TRIM7: variants seen among roughly 807,000 people sequenced by gnomAD.
TRIM7 encodes the protein tripartite motif containing 7, also known as E3 ubiquitin-protein ligase TRIM7.
TRIM7 carries 32 observed loss-of-function variants against 37.9 expected under a neutral mutation model. The ratio of observed to expected loss-of-function variants is 0.84; its 90% CI spans 0.64 to 1.13. The LOEUF (loss-of-function observed/expected upper bound fraction) is 1.13. Among genes scored for constraint, TRIM7 ranks in the 50% most tolerant of loss-of-function variants. The pLI is 0.00. For synonymous variants in TRIM7, 351 were observed against 321.3 expected (o/e 1.09, Z -0.99); for missense variants, 732 against 714.0 (o/e 1.03, Z -0.29).
rs780134753 is a variant in TRIM7 at position 181,195,310 on chromosome 5, G to C, written c.1392C>G (p.Ala464=). The change falls in exon 7 of 7, where the codon GCC becomes GCG. Residue 464 remains alanine (A), a synonymous_variant. Transcript: ENST00000274773. ...ACACGGCTCCCACCTCCAGGTCCAG[G>C]GCCACCCGCACGCGCGACAGGTGCC... ...SCGHLSRVRV[A]LDLEVGAVSF... is the part of the protein sequence containing the mutation. 7 of 1,599,574 alleles carry C rather than the reference G, an allele frequency of 4.4e-6. No homozygotes were observed. In the Admixed American group the frequency reaches 6.9e-5, roughly 16 times the overall value.
intron 2 of TRIM7, 183 bp downstream of exon 2, chr5:181,203,362 T>G: frequency 1.4e-6 from 2 of 1,420,234 alleles, no homozygotes; most frequent in Non-Finnish European, 1.8e-6. Context: ...CTTTTCACTT[T>G]AAAAAGCTCT....
chr5:181,199,954 T>C lies in TRIM7; in HGVS notation c.746A>G (p.Gln249Arg). The C allele has an allele frequency of 1.2e-6, 2 of 1,614,260 alleles. No individual in the cohort carries two copies. The highest frequency in any genetic ancestry group is 1.7e-6 in the Non-Finnish European group (2 of 1,180,040). ...EELSREVAQK[Q>R]NENLAQLGVE... ...CCCGAGCTGGGCCAGGTTCTCATTC[T>C]GCTTCTGTGCCACCTCCCGGGACAG... The change falls in exon 3 of 7, where the codon CAG becomes CGG. Residue 249 changes from glutamine to arginine, a missense_variant. By Grantham distance (43) the Gln-to-Arg change is conservative. Coordinates refer to ENST00000274773, the MANE Select transcript of TRIM7 (RefSeq NM_203293.3).
chr5:181,205,004 A>C lies in TRIM7; in HGVS notation c.107T>G (p.Phe36Cys). 6.7e-7 allele frequency: 1 copy of C among 1,487,304 alleles called. No individual in the cohort carries two copies. The highest frequency in any genetic ancestry group is 8.9e-7 in the Non-Finnish European group (1 of 1,127,072). 92.1% of individuals were successfully genotyped at this position (1,487,304 alleles called of 1,614,324 possible). ...EATCSICLEL[F>C]REPVSVECGH... ...GCACTCGACGGACACCGGCTCACGA[A>C]AGAGCTCTAGGCAGATGGAGCACGT... The change falls in exon 1 of 7, where the codon TTT becomes TGT. Residue 36 changes from phenylalanine (F) to cysteine (C), a missense_variant. Coordinates refer to ENST00000274773, the MANE Select transcript of TRIM7 (RefSeq NM_203293.3).
intron 2 of TRIM7, among the ~76,000 whole-genome samples, chr5:181,201,918 G>A (rs148454264): frequency 3.9e-4 from 59 of 152,322 alleles, no homozygotes; most frequent in African/African-American, 1.3e-3. Context: ...TGCATTGGGA[G>A]TCATTTCTCC....
At chr5:181,204,223 C>G (rs1011730631) in intron 1 of TRIM7, 8 of 1,037,868 alleles carry the variant, frequency 7.7e-6, no homozygotes, top group African/African-American at 1.7e-5. Flanking sequence ...GTGGGGGCAG[C>G]GGCTGCGTGG....
chr5:181,194,243 C>CA lies in TRIM7; in HGVS notation c.*922dup, dbSNP rs1189268956. The CA allele has an allele frequency of 1.3e-5, 2 of 152,036 alleles. No homozygotes were observed. The highest frequency in any genetic ancestry group is 4.8e-5 in the African/African-American group (2 of 41,416). The allele number at this position is 152,036 out of a possible 1,614,324, so 9.4% of individuals were successfully genotyped here. A position where few individuals can be genotyped will look rare whatever the true frequency, so the allele number is the denominator to read the frequency against. On this transcript the variant is annotated 3_prime_UTR_variant, in exon 7 of 7. Transcript: ENST00000274773. ...GTTTTGTGTTTCAAAGTTCCAGAAG[C>CA]AAAAACAAAAAAAGTTCGGGTACAG...
At chr5:181,201,789 G>A (rs1757502411) in intron 2 of TRIM7, among the ~76,000 whole-genome samples, 1 of 152,200 alleles carries the variant, frequency 6.6e-6, no homozygotes. Context: ...GATGTTGGGA[G>A]AGGACAGAGG....
rs748717109 is a variant in TRIM7 at position 181,195,193 on chromosome 5, C to T, written c.1509G>A (p.Thr503=). The change falls in exon 7 of 7, where the codon ACG becomes ACA. Residue 503 remains threonine (T), a synonymous_variant. Coordinates refer to ENST00000274773, the MANE Select transcript of TRIM7 (RefSeq NM_203293.3). The part of the protein sequence containing the change: ...RVFPLFSVCS[T]GTYLRIWP The stretch of plus-strand genomic sequence containing the variant: ...AAGGCCAGATTCGCAAGTAGGTGCC[C>T]GTGGAGCAAACAGAGAAAAGCGGGA... The T allele has an allele frequency of 1.9e-6, 3 of 1,608,396 alleles. No individual in the cohort carries two copies. The highest frequency in any genetic ancestry group is 1.3e-5 in the African/African-American group (1 of 74,968).
chr5:181,204,904 G>A lies in TRIM7; in HGVS notation c.207C>T (p.Thr69=). 2 of 1,372,332 alleles carry A rather than the reference G, an allele frequency of 1.5e-6. No homozygotes were observed. The highest frequency in any genetic ancestry group is 1.5e-5 in the African/African-American group (1 of 65,218). The allele number at this position is 1,372,332 out of a possible 1,614,324, so 85.0% of individuals were successfully genotyped here. ...RPGAGSVGAA[T]RAPPFPLPCP... ...AGGGCAGTGGGAAGGGGGGCGCGCG[G>A]GTGGCGGCCCCAACAGACCCCGCGC... The change falls in exon 1 of 7, where the codon ACC becomes ACT. Residue 69 remains threonine (T), a synonymous_variant. Transcript: ENST00000274773.
Position 181,199,106 on chromosome 5 carries a change from G to C in TRIM7, c.861C>G (p.Ser287Arg), listed in dbSNP as rs1223935132. The C allele has an allele frequency of 6.2e-7, 1 of 1,614,238 alleles. No homozygotes were observed. Among genetic ancestry groups the C allele is most frequent in the Non-Finnish European group, 8.5e-7 (1 of 1,180,052 alleles). Reference sequence around the variant, plus strand: ...GTGAGGTCACTCACCTGCTCAGCGTGCTTTTGAATTCCTGGAAGGAAAGAT... The same window carrying C: ...GTGAGGTCACTCACCTGCTCAGCGTCCTTTTGAATTCCTGGAAGGAAAGAT... Reference protein sequence around the residue: ...PDLDFLQEFKSTLSRCSNVPG... With the variant: ...PDLDFLQEFKRTLSRCSNVPG... The change falls in exon 4 of 7, where the codon AGC becomes AGG. Residue 287 changes from serine to arginine, a missense_variant. Ser to Arg is a moderately radical substitution (Grantham distance 110, BLOSUM62 -1). Coordinates refer to ENST00000274773, the MANE Select transcript of TRIM7 (RefSeq NM_203293.3).
In TRIM7 at chr5:181,193,965, C is replaced by T. The variant is rs1178692865; in HGVS notation, c.*1201G>A. On this transcript the variant is annotated 3_prime_UTR_variant, in exon 7 of 7. Coordinates refer to ENST00000274773, the MANE Select transcript of TRIM7 (RefSeq NM_203293.3). Reference sequence around the variant, plus strand: ...AGTTTCATTTTCATCTCCTCACCCCCTTCCCAGGGGAGCGCTGAGCAGGGA... The same window carrying T: ...AGTTTCATTTTCATCTCCTCACCCCTTTCCCAGGGGAGCGCTGAGCAGGGA... 2 of 152,334 alleles carry T rather than the reference C, an allele frequency of 1.3e-5. No individual in the cohort carries two copies. The highest frequency in any genetic ancestry group is 2.4e-5 in the African/African-American group (1 of 41,482). 9.4% of individuals were successfully genotyped at this position (152,334 alleles called of 1,614,324 possible).
intron 2 of TRIM7, chr5:181,200,446 C>CA (rs1236943827): frequency 1.1e-5 from 14 of 1,219,318 alleles, no homozygotes; most frequent in Non-Finnish European, 1.3e-5. Context: ...TAGGATTAAA[C>CA]TGAGATTGCT....
intron 2 of TRIM7, chr5:181,200,795 C>T (rs185433148): frequency 7.1e-6 from 7 of 985,662 alleles, no homozygotes; most frequent in Non-Finnish European, 8.4e-6. Context: ...GTTTGGCACT[C>T]AATATGTCCC....
chr5:181,203,117 AT>A (rs553646659), intron 2 of TRIM7: 9 of 337,718 alleles, frequency 2.7e-5, no homozygotes, highest in South Asian at 1.1e-4. Flanking sequence ...TGAACATGAA[AT>A]TTTTTTCACT....
intron 5 of TRIM7, 174 bp from the exon 6 acceptor site, chr5:181,198,392 C>T: frequency 1.4e-6 from 1 of 706,688 alleles, no homozygotes; most frequent in Non-Finnish European, 2.5e-6. Context: ...GGGGCCCATA[C>T]CCAAGCATTC....
intron 1 of TRIM7, chr5:181,204,313 T>C: frequency 8.6e-7 from 1 of 1,157,738 alleles, no homozygotes; most frequent in Non-Finnish European, 1.1e-6. Flanking sequence ...AGGAAGAACA[T>C]CGCCAAGTCC....
intron 2 of TRIM7, chr5:181,203,173 A>T: frequency 2.8e-6 from 2 of 709,934 alleles, no homozygotes; most frequent in Non-Finnish European, 3.6e-6. Context: ...TTATTGTATT[A>T]ATATTCCCAC....
In TRIM7 at chr5:181,200,008, T is replaced by C; in HGVS notation, c.692A>G (p.Glu231Gly). The C allele has an allele frequency of 6.2e-7, 1 of 1,614,244 alleles. No individual in the cohort carries two copies. Among genetic ancestry groups the C allele is most frequent in the Non-Finnish European group, 8.5e-7 (1 of 1,180,034 alleles). The change falls in exon 3 of 7, where the codon GAG becomes GGG. Residue 231 changes from glutamate to glycine, a missense_variant. By Grantham distance (98) the Glu-to-Gly change is moderately conservative. Transcript: ENST00000274773. ...QALRAFLVEQ[E>G]GRLLGRLEEL... ...CTCCAGGCGGCCTAGCAGCCGACCC[T>C]CCTGCTCCACCAGGAAAGCCCTCAG...
chr5:181,203,835 AG>A lies in TRIM7; in HGVS notation c.523-196del, dbSNP rs1245723773. The A allele has an allele frequency of 2.2e-6, 3 of 1,351,562 alleles. No homozygotes were observed. The Admixed American group carries it at 1.1e-4, about 48-fold the overall frequency. The allele number at this position is 1,351,562 out of a possible 1,614,324, so 83.7% of individuals were successfully genotyped here. On this transcript the variant is annotated intron_variant, in intron 1 of 6. Transcript: ENST00000274773. ...GGTCTCGGGATCTTGCTTCCCCAAA[AG>A]CATCTGCTGGACCAGCCAGACTGAA... is the stretch of plus-strand genomic sequence containing the variant.
Sources: gnomAD v4.1 joint callset for allele counts (sites outside exome capture counted in the v4.1 genomes callset) on GRCh38, gnomAD v4.1.1 for gene constraint, MANE v1.5 for transcripts, NCBI Gene and HGNC (gene_info 2026-07-23, HGNC 2026-07-21) for gene names.